Variants in CCDC178 observed in about 807,000 individuals in gnomAD.
The protein encoded by CCDC178 is coiled-coil domain containing 178, also known as coiled-coil domain-containing protein 178.
Under a neutral mutation model 117.4 loss-of-function variants are expected in CCDC178, and 126 were observed. That is an observed-to-expected ratio of 1.07 (90% CI 0.93 to 1.24). The LOEUF is 1.24. Ranked by LOEUF, CCDC178 falls within the 50% of genes most tolerant of loss-of-function variation. The pLI is 0.00. For missense variants in CCDC178, 1,030 were observed against 986.9 expected, an observed-to-expected ratio of 1.04 and a Z score of -0.59; for synonymous variants, 283 against 313.4, an observed-to-expected ratio of 0.90 and a Z score of 1.02.
chr18:33,357,808 T>C (rs75541814), intron 6 of CCDC178, among the ~76,000 whole-genome samples: 1 of 86,016 alleles, frequency 1.2e-5, no homozygotes, highest in Non-Finnish European at 2.0e-5. Context: ...ACAAAAAAAT[T>C]ATATGATATA....
chr18:33,033,343 C>T (rs1004585635), intron 21 of CCDC178, among the ~76,000 whole-genome samples: 13 of 152,050 alleles, frequency 8.5e-5, no homozygotes, highest in African/African-American at 3.1e-4. Context: ...TAGCCTATGT[C>T]GCCTCCAAGG....
chr18:32,990,161 C>T (rs114684318), intron 21 of CCDC178, among the ~76,000 whole-genome samples: 2 of 152,000 alleles, frequency 1.3e-5, no homozygotes, highest in African/African-American at 2.4e-5. Flanking sequence ...CATGGCCATG[C>T]CTATGAAGAA....
intron 21 of CCDC178, among the ~76,000 whole-genome samples, chr18:33,006,879 C>A (rs1293690413): frequency 3.3e-5 from 5 of 152,116 alleles, no homozygotes; most frequent in Admixed American, 6.6e-5. Context: ...TTTCTGCCAA[C>A]AATACATGCC....
chr18:33,421,746 C>T (rs917590560), intron 2 of CCDC178, among the ~76,000 whole-genome samples: 6 of 152,032 alleles, frequency 3.9e-5, no homozygotes, highest in Admixed American at 3.3e-4. Context: ...ACGGGTTACG[C>T]TCAGTCAGAA....
In CCDC178 at chr18:33,333,405, A is replaced by C. The variant is rs775814242; in HGVS notation, c.659-11T>G. 3.5e-6 allele frequency: 5 copies of C among 1,446,614 alleles called. No individual in the cohort carries two copies. In the African/African-American group the frequency reaches 7.0e-5, roughly 20 times the overall value. 89.6% of individuals were successfully genotyped at this position (1,446,614 alleles called of 1,614,324 possible). On this transcript the variant is annotated splice_polypyrimidine_tract_variant and intron_variant, in intron 9 of 22. Coordinates refer to ENST00000383096, the MANE Select transcript of CCDC178 (RefSeq NM_001105528.4). ...AATAGGCCTCATGTTCTAGATATAG[A>C]AGGATAAGAACAAAAGAAAATCTGA... is the stretch of plus-strand genomic sequence containing the variant.
intron 6 of CCDC178, among the ~76,000 whole-genome samples, chr18:33,356,607 T>G (rs750232199): frequency 1.3e-5 from 2 of 152,088 alleles, no homozygotes; most frequent in Non-Finnish European, 2.9e-5. Flanking sequence ...GAAAGGGGGT[T>G]AGACATGCCT....
chr18:33,052,893 T>C (rs1056336130), intron 21 of CCDC178, among the ~76,000 whole-genome samples: 2 of 152,152 alleles, frequency 1.3e-5, no homozygotes, highest in East Asian at 3.9e-4. Context: ...GGTAAGTCAT[T>C]TCTTCATCTT....
At chr18:32,996,705 G>A (rs1310013207) in intron 21 of CCDC178, among the ~76,000 whole-genome samples, 1 of 151,902 alleles carries the variant, frequency 6.6e-6, no homozygotes, top group Non-Finnish European at 1.5e-5. Flanking sequence ...TTCTGGTATA[G>A]GCAAGTATTT....
chr18:33,433,237 T>C (rs2064245188), intron 2 of CCDC178, among the ~76,000 whole-genome samples: 2 of 152,186 alleles, frequency 1.3e-5, no homozygotes, highest in Admixed American at 1.3e-4. Flanking sequence ...TGGCATGGCA[T>C]CTCCAGAGTA....
intron 6 of CCDC178, among the ~76,000 whole-genome samples, chr18:33,363,769 GTAA>G (rs2063160848): frequency 6.6e-6 from 1 of 152,052 alleles, no homozygotes; most frequent in African/African-American, 2.4e-5. Context: ...TACAGAACAT[GTAA>G]TTATGGATAT....
intron 20 of CCDC178, among the ~76,000 whole-genome samples, chr18:33,103,862 T>C (rs1159378231): frequency 1.3e-5 from 2 of 151,894 alleles, no homozygotes; most frequent in East Asian, 3.9e-4. Context: ...GCAGCATAGG[T>C]GTCCATTCAT....
Position 33,375,206 on chromosome 18 carries a change from A to G in CCDC178, c.209-5017T>C, listed in dbSNP as rs958514101. ...TATCGTTCTCCTACTTTAACTTTTT[A>G]TACTAAAAAACATTGTAGACAGTCC... On this transcript the variant is annotated intron_variant, in intron 5 of 22. Transcript: ENST00000383096. Among the ~76,000 whole-genome samples the G allele has an allele frequency of 3.7e-4, 56 of 152,204 alleles. 1 individual carries two copies. Among genetic ancestry groups the G allele is most frequent in the Non-Finnish European group, 1.3e-4 (9 of 68,038 alleles).
intron 14 of CCDC178, among the ~76,000 whole-genome samples, chr18:33,250,869 T>C (rs1330299368): frequency 6.6e-6 from 1 of 151,584 alleles, no homozygotes; most frequent in Admixed American, 6.6e-5. Flanking sequence ...TTGTGAAATT[T>C]CAGAACTCTT....
At chr18:33,075,190 C>T (rs1325944122) in intron 21 of CCDC178, among the ~76,000 whole-genome samples, 3 of 152,158 alleles carry the variant, frequency 2.0e-5, no homozygotes, top group African/African-American at 7.2e-5. Flanking sequence ...TTTCCTTCCA[C>T]TCCCCTAGTA....
chr18:33,434,647 G>A (rs1327394397), intron 2 of CCDC178, among the ~76,000 whole-genome samples: 1 of 151,964 alleles, frequency 6.6e-6, no homozygotes, highest in South Asian at 2.1e-4. Context: ...TGAGATATCA[G>A]GAAGACACAA....
At chr18:33,319,646 A>G (rs2062475617) in intron 11 of CCDC178, among the ~76,000 whole-genome samples, 1 of 152,182 alleles carries the variant, frequency 6.6e-6, no homozygotes, top group Admixed American at 6.5e-5. Context: ...GAACTAGTTT[A>G]CAGTCCCACC....
At chr18:33,415,676 C>T (rs564099091) in intron 2 of CCDC178, among the ~76,000 whole-genome samples, 44 of 152,050 alleles carry the variant, frequency 2.9e-4, no homozygotes, top group African/African-American at 1.0e-3. Context: ...TGCACATGTA[C>T]CCTAGAACTT....
intron 11 of CCDC178, among the ~76,000 whole-genome samples, chr18:33,319,061 C>G (rs990570313): frequency 6.6e-6 from 1 of 152,008 alleles, no homozygotes; most frequent in Non-Finnish European, 1.5e-5. Context: ...TTTTATTATA[C>G]TTTAAGTTCT....
chr18:33,108,041 G>A (rs2057731177), intron 20 of CCDC178, among the ~76,000 whole-genome samples: 1 of 151,664 alleles, frequency 6.6e-6, no homozygotes, highest in South Asian at 2.1e-4. Context: ...GACTTAGGAT[G>A]TTTGTCATGG....
Sources: gnomAD v4.1 joint callset for allele counts (sites outside exome capture counted in the v4.1 genomes callset) on GRCh38, gnomAD v4.1.1 for gene constraint, MANE v1.5 for transcripts, NCBI Gene and HGNC (gene_info 2026-07-23, HGNC 2026-07-21) for gene names.